Variants in NPEPPS observed in about 807,000 individuals in gnomAD.
The protein encoded by NPEPPS is puromycin-sensitive aminopeptidase.
In NPEPPS, 14 loss-of-function variants were observed where a neutral mutation model predicts 115.5. That is an observed-to-expected ratio of 0.12 (90% CI 0.08 to 0.19). The LOEUF (loss-of-function observed/expected upper bound fraction) is 0.19. Ranked by LOEUF, NPEPPS falls within the 10% of genes least tolerant of loss-of-function variation. The pLI, the probability that NPEPPS is intolerant of heterozygous loss-of-function variation, is 1.00. For synonymous variants in NPEPPS, 285 were observed against 390.6 expected, an observed-to-expected ratio of 0.73 and a Z score of 3.19; for missense variants, 523 against 1,110.8, an observed-to-expected ratio of 0.47 and a Z score of 7.52.
chr17:47,539,716 A>G (rs940520184), intron 1 of NPEPPS, among the ~76,000 whole-genome samples: 2 of 152,128 alleles, frequency 1.3e-5, no homozygotes, highest in Non-Finnish European at 2.9e-5. Flanking sequence ...TGCCTTTTGC[A>G]TTTTTACATT....
chr17:47,546,783 G>A (rs915641394), intron 2 of NPEPPS, among the ~76,000 whole-genome samples: 3 of 151,994 alleles, frequency 2.0e-5, no homozygotes, highest in African/African-American at 4.8e-5. Flanking sequence ...CAGGTGATCT[G>A]CCTGCCTCCC....
intron 10 of NPEPPS, 125 bp downstream of exon 10, chr17:47,591,006 C>T: frequency 7.3e-7 from 1 of 1,369,574 alleles, no homozygotes; most frequent in Non-Finnish European, 9.8e-7. Context: ...TTTACTGGTT[C>T]ATATTTCTAG....
Position 47,599,706 on chromosome 17 carries a change from C to A in NPEPPS, c.1567C>A (p.Gln523Lys). The change falls in exon 14 of 23, where the codon CAA becomes AAA. Residue 523 changes from glutamine (Q) to lysine (K), a missense_variant. This residue lies in a region of NPEPPS where 372 missense variants were observed against 542.6 expected (regional missense o/e 0.69). Coordinates refer to ENST00000322157, the MANE Select transcript of NPEPPS (RefSeq NM_006310.4). Reference sequence around the variant, plus strand: ...AGATGACAGATTATTGAGGTTGTCCCAAAAGAAGTTCTGTGCTGGTGGGTC... The same window carrying A: ...AGATGACAGATTATTGAGGTTGTCCAAAAAGAAGTTCTGTGCTGGTGGGTC... ...VEDDRLLRLS[Q>K]KKFCAGGSYV... 1 of 1,563,100 alleles carries A rather than the reference C, an allele frequency of 6.4e-7. No homozygotes were observed. Among genetic ancestry groups the A allele is most frequent in the Non-Finnish European group, 8.7e-7 (1 of 1,152,186 alleles).
At chr17:47,609,993 T>A (rs998081195) in intron 17 of NPEPPS, among the ~76,000 whole-genome samples, 1 of 152,330 alleles carries the variant, frequency 6.6e-6, no homozygotes, top group East Asian at 1.9e-4. Context: ...AACTGTTTTT[T>A]TAATCAATCA....
At chr17:47,558,890 C>T (rs1381356858) in intron 2 of NPEPPS, among the ~76,000 whole-genome samples, 9 of 151,924 alleles carry the variant, frequency 5.9e-5, no homozygotes, top group African/African-American at 7.3e-5. Flanking sequence ...AAAAATTAGC[C>T]GGGCATGGTG....
chr17:47,606,260 G>A (rs1913510473), intron 17 of NPEPPS, among the ~76,000 whole-genome samples: 2 of 152,068 alleles, frequency 1.3e-5, no homozygotes, highest in South Asian at 4.1e-4. Flanking sequence ...TGTGTTCTCT[G>A]CTCTGATTAT....
intron 4 of NPEPPS, chr17:47,581,430 A>T (rs1218910543): frequency 2.6e-5 from 4 of 152,126 alleles, no homozygotes; most frequent in Admixed American, 2.6e-4. Context: ...TCTGTCTCTC[A>T]AATTATGTTT....
At chr17:47,617,586 T>C (rs780182459) in intron 19 of NPEPPS, among the ~76,000 whole-genome samples, 1 of 145,902 alleles carries the variant, frequency 6.9e-6, no homozygotes, top group Non-Finnish European at 1.5e-5. Context: ...ATTCTTAAAA[T>C]ATAACTTTCA....
intron 3 of NPEPPS, among the ~76,000 whole-genome samples, chr17:47,575,523 T>C (rs1299107744): frequency 6.6e-6 from 1 of 150,400 alleles, no homozygotes; most frequent in Non-Finnish European, 1.5e-5. Flanking sequence ...TGAGCTAATA[T>C]AACAACTGAT....
Position 47,589,227 on chromosome 17 carries a change from A to T in NPEPPS, c.1096-1490A>T, listed in dbSNP as rs548383573. Among the ~76,000 whole-genome samples the T allele has an allele frequency of 5.9e-3, 891 of 152,030 alleles. 5 individuals carry two copies. Among genetic ancestry groups the T allele is most frequent in the African/African-American group, 0.017 (717 of 41,456 alleles). On this transcript the variant is annotated intron_variant, in intron 9 of 22. Coordinates refer to ENST00000322157, the MANE Select transcript of NPEPPS (RefSeq NM_006310.4). ...CTCCCAAAGTGCTGGGATTACAGGC[A>T]TGAGCTACCACACCTGGCCTTTTCT...
intron 16 of NPEPPS, 89 bp from the exon 17 acceptor site, chr17:47,605,244 T>G (rs1244799796): frequency 1.2e-6 from 1 of 839,952 alleles, no homozygotes; most frequent in Non-Finnish European, 1.9e-6. Context: ...CCAAAGAAAT[T>G]GCTAGCAGTA....
At chr17:47,611,257 C>T (rs1913854718) in intron 17 of NPEPPS, among the ~76,000 whole-genome samples, 2 of 151,424 alleles carry the variant, frequency 1.3e-5, no homozygotes, top group Admixed American at 1.3e-4. Context: ...GTCAGGAGTT[C>T]GAGACCAGCC....
At position 47,588,665 on chromosome 17, in the gene NPEPPS, C is replaced by T. The variant is rs1360490431; in HGVS notation, c.1095+1321C>T. Among the ~76,000 whole-genome samples, 149 of 151,862 alleles carry T rather than the reference C, an allele frequency of 9.8e-4. 3 individuals carry two copies. Among genetic ancestry groups the T allele is most frequent in the Non-Finnish European group, 8.8e-5 (6 of 67,982 alleles). On this transcript the variant is annotated intron_variant, in intron 9 of 22. Transcript: ENST00000322157. ...CTTTTCTTCTAATGCAGCAAGTTTG[C>T]TACTTTGTACCAAATAATTTTTTTG...
Position 47,599,695 on chromosome 17 carries a change from T to C in NPEPPS, c.1556T>C (p.Leu519Ser). The change falls in exon 14 of 23, where the codon TTG (leucine) becomes TCG (serine). Residue 519 changes from leucine to serine, a missense_variant. By Grantham distance (145) the Leu-to-Ser change is moderately radical. Transcript: ENST00000322157. The part of the protein sequence containing the change: ...EAEQVEDDRL[L>S]RLSQKKFCAG... ...CTTTAGGTAGAAGATGACAGATTATTGAGGTTGTCCCAAAAGAAGTTCTGT... is the reference window on the plus strand; with the variant it reads ...CTTTAGGTAGAAGATGACAGATTATCGAGGTTGTCCCAAAAGAAGTTCTGT... 1 of 1,562,688 alleles carries C rather than the reference T, an allele frequency of 6.4e-7. No individual in the cohort carries two copies. The highest frequency in any genetic ancestry group is 1.2e-5 in the South Asian group (1 of 84,836).
chr17:47,547,802 G>A (rs1368429749), intron 2 of NPEPPS, among the ~76,000 whole-genome samples: 4 of 152,130 alleles, frequency 2.6e-5, no homozygotes, highest in African/African-American at 9.7e-5. Context: ...CGAGGCGGGT[G>A]GATCACAAGG....
At chr17:47,571,967 A>T (rs186986151) in intron 3 of NPEPPS, among the ~76,000 whole-genome samples, 12 of 152,226 alleles carry the variant, frequency 7.9e-5, no homozygotes, top group African/African-American at 2.6e-4. Context: ...AGTGCTGATC[A>T]TATGCAGCCA....
intron 1 of NPEPPS, among the ~76,000 whole-genome samples, chr17:47,545,007 T>G (rs1460303354): frequency 1.3e-5 from 2 of 150,182 alleles, no homozygotes; most frequent in African/African-American, 4.9e-5. Flanking sequence ...CCCCAGCCTA[T>G]TTTTATTTTT....
In NPEPPS at chr17:47,546,991, G is replaced by C. The variant is rs577872006; in HGVS notation, c.340+998G>C. 9.2e-5 allele frequency among the ~76,000 whole-genome samples: 14 copies of C among 152,226 alleles called. No individual in the cohort carries two copies. The East Asian group carries it at 2.7e-3, about 29-fold the overall frequency. The stretch of plus-strand genomic sequence containing the variant: ...TTGAACATGAAAGGCTCCTCAAAGA[G>C]GCTTCGTTTTTATGTTTTTCTTAAA... On this transcript the variant is annotated intron_variant, in intron 2 of 22. Transcript: ENST00000322157.
intron 9 of NPEPPS, among the ~76,000 whole-genome samples, chr17:47,587,837 T>C (rs1597865528): frequency 6.6e-6 from 1 of 151,820 alleles, no homozygotes; most frequent in African/African-American, 2.4e-5. Flanking sequence ...GTAAACAAAC[T>C]GCAGAGTGAC....
Sources: allele counts gnomAD v4.1 joint callset (sites outside exome capture counted in the v4.1 genomes callset), GRCh38; gene constraint gnomAD v4.1.1; regional missense constraint gnomAD v4.1.1; transcripts MANE v1.5; gene names NCBI Gene and HGNC (gene_info 2026-07-23, HGNC 2026-07-21).